The following CTPS1 variants were observed in gnomAD, a reference collection of about 807,000 sequenced individuals.
CTPS1 encodes CTP synthetase 1.
Under a neutral mutation model 80.5 loss-of-function variants are expected in CTPS1, and 25 were observed. That is an observed-to-expected ratio of 0.31 (90% CI 0.23 to 0.43). The LOEUF is 0.43. Ranked by LOEUF, CTPS1 falls within the 20% of genes least tolerant of loss-of-function variation. The pLI, the probability that CTPS1 is intolerant of heterozygous loss-of-function variation, is 1.00. For synonymous variants in CTPS1, 267 were observed against 252.5 expected, an observed-to-expected ratio of 1.06 and a Z score of -0.54; for missense variants, 442 against 725.7, an observed-to-expected ratio of 0.61 and a Z score of 4.49.
At position 41,008,707 on chromosome 1, in the gene CTPS1, G is replaced by A; in HGVS notation, c.1442G>A (p.Arg481Gln). The part of the protein sequence containing the change: ...ADYLEERHRH[R>Q]FEVNPVWKKC... ...TACTTGGAAGAGAGGCACCGCCACC[G>A]ATTTGAGGTGAGGATTCCAGCTTGC... Residue 481 changes from arginine (R) to glutamine (Q), a missense_variant, in exon 15 of 19, where the codon CGA (arginine) becomes CAA (glutamine). Arg to Gln is a conservative substitution (Grantham distance 43). Around this residue, in one of 4 missense-constraint regions of CTPS1, gnomAD observed 321 missense variants for 467.2 expected, o/e 0.69. Coordinates refer to ENST00000650070, the MANE Select transcript of CTPS1 (RefSeq NM_001905.4). 5 of 1,614,190 alleles carry A rather than the reference G, an allele frequency of 3.1e-6. No homozygotes were observed. The highest frequency in any genetic ancestry group is 1.1e-5 in the South Asian group (1 of 91,078).
chr1:40,997,575 CTG>C lies in CTPS1; in HGVS notation c.1005+51_1005+52del, dbSNP rs750493626. ...GCCAAAGGATGAGCAGGGAAGCAGTCTGTAGTCTCGTAGGTGCTGTGTCATAT... is the reference window on the plus strand; with the variant it reads ...GCCAAAGGATGAGCAGGGAAGCAGTCTAGTCTCGTAGGTGCTGTGTCATAT... On this transcript the variant is annotated intron_variant, in intron 9 of 18. Transcript: ENST00000650070. 5.0e-6 allele frequency: 8 copies of C among 1,596,328 alleles called. No homozygotes were observed. In the East Asian group the frequency reaches 1.1e-4, roughly 23 times the overall value.
At chr1:40,997,339 C>T (rs1642779817) in intron 8 of CTPS1, 55 bp from the exon 9 acceptor site, 1 of 1,578,076 alleles carries the variant, frequency 6.3e-7, no homozygotes, top group African/African-American at 1.4e-5. Context: ...ATTTTGGTCT[C>T]ATGATAGCGT....
intron 5 of CTPS1, among the ~76,000 whole-genome samples, chr1:40,989,080 G>T (rs1642532618): frequency 6.6e-6 from 1 of 152,218 alleles, no homozygotes; most frequent in South Asian, 2.1e-4. Context: ...AGCTGACCTT[G>T]AGTGCCGGAT....
chr1:40,991,944 G>A, intron 7 of CTPS1, 99 bp downstream of exon 7: 1 of 898,980 alleles, frequency 1.1e-6, no homozygotes. Flanking sequence ...TCTAATTAGA[G>A]ATAGTGGGCT....
rs200771626 is a variant in CTPS1 at position 41,008,995 on chromosome 1, A to G, written c.1546+105A>G. On this transcript the variant is annotated intron_variant, in intron 16 of 18. Coordinates refer to ENST00000650070, the MANE Select transcript of CTPS1 (RefSeq NM_001905.4). ...TTGTTGCTCCTGACCTAACAGAATT[A>G]GGAAGCAGCACTGTCTCATGAGGGA... The G allele has an allele frequency of 3.4e-4, 309 of 915,698 alleles. 3 individuals are homozygous for G. In the East Asian group the frequency reaches 7.8e-3, roughly 23 times the overall value. The allele number at this position is 915,698 out of a possible 1,614,324, so 56.7% of individuals were successfully genotyped here. A position where few individuals can be genotyped will look rare whatever the true frequency, so the allele number is the denominator to read the frequency against.
chr1:40,989,657 C>G (rs1642551412), intron 5 of CTPS1, among the ~76,000 whole-genome samples: 2 of 151,950 alleles, frequency 1.3e-5, no homozygotes, highest in African/African-American at 4.8e-5. Context: ...AAGAAAGAAA[C>G]TTACAGGGAA....
At chr1:40,980,182 A>C (rs987717249) in intron 1 of CTPS1, 3 of 123,800 alleles carry the variant, frequency 2.4e-5, no homozygotes, top group Admixed American at 8.4e-5. Context: ...AGAAGGCCGT[A>C]GGGGAGTGGA....
intron 9 of CTPS1, among the ~76,000 whole-genome samples, chr1:40,998,783 C>A (rs12739052): frequency 0.1 from 15,752 of 152,150 alleles, 1,198 homozygotes; most frequent in East Asian, 0.27. Flanking sequence ...TGTAGCTGTC[C>A]CCACATTGGG....
intron 9 of CTPS1, among the ~76,000 whole-genome samples, chr1:40,998,685 C>G (rs923880003): frequency 6.6e-6 from 1 of 152,184 alleles, no homozygotes. Context: ...TCCTTTTCTT[C>G]CTGGCCCATC....
chr1:40,999,482 C>T (rs1642847444), intron 9 of CTPS1, among the ~76,000 whole-genome samples: 1 of 152,186 alleles, frequency 6.6e-6, no homozygotes, highest in Non-Finnish European at 1.5e-5. Context: ...CGAAAAGGTG[C>T]TCAACACCTC....
At chr1:40,983,713 C>A (rs1642377184) in intron 2 of CTPS1, among the ~76,000 whole-genome samples, 1 of 151,602 alleles carries the variant, frequency 6.6e-6, no homozygotes, top group African/African-American at 2.4e-5. Flanking sequence ...GCTTCCACCT[C>A]CTTGGCTCAA....
In CTPS1 at chr1:40,979,723, A is replaced by G. The variant is rs1651761804; in HGVS notation, c.-120A>G. The G allele has an allele frequency of 6.6e-6, 1 of 152,280 alleles. No individual in the cohort carries two copies. 9.4% of individuals were successfully genotyped at this position (152,280 alleles called of 1,614,324 possible). ...ACAGCCTAGAGCCCGCCTCCGTGAA[A>G]GACTGCCGGGCGCATGCGGTCGGGG... On this transcript the variant is annotated 5_prime_UTR_variant, in exon 1 of 19. Transcript: ENST00000650070.
intron 7 of CTPS1, among the ~76,000 whole-genome samples, chr1:40,994,599 T>C (rs1642705891): frequency 6.6e-6 from 1 of 152,248 alleles, no homozygotes; most frequent in Non-Finnish European, 1.5e-5. Flanking sequence ...TAAATTCTTT[T>C]GGTTTTTATG....
rs1258952054 is a variant in CTPS1, at chr1:41,007,500, C to T, written c.1348C>T (p.Leu450=). 1 of 1,614,142 alleles carries T rather than the reference C, an allele frequency of 6.2e-7. No individual in the cohort carries two copies. The highest frequency in any genetic ancestry group is 1.1e-5 in the South Asian group (1 of 91,080). ...AGGGCAGATGGGCGGAACCATGAGG[C>T]TGGGCAAGAGGAGAACCCTGTTCCA... The part of the protein sequence containing the change: ...NPGQMGGTMR[L]GKRRTLFQTK... Residue 450 remains leucine (L), a synonymous_variant, in exon 14 of 19, where the codon CTG becomes TTG. Coordinates refer to ENST00000650070, the MANE Select transcript of CTPS1 (RefSeq NM_001905.4). The surrounding 1 kb of genome is among the most constrained non-coding windows in gnomAD (Gnocchi z 4.4).
At chr1:41,008,973 T>C in intron 16 of CTPS1, 83 bp downstream of exon 16, 1 of 1,109,720 alleles carries the variant, frequency 9.0e-7, no homozygotes, top group Non-Finnish European at 1.4e-6. Flanking sequence ...TGTTATCTTG[T>C]TGCTCCTGAC....
chr1:40,990,103 GAA>G (rs1642565703), intron 5 of CTPS1, among the ~76,000 whole-genome samples: 1 of 152,194 alleles, frequency 6.6e-6, no homozygotes, highest in Non-Finnish European at 1.5e-5. Context: ...CAAGTTTATG[GAA>G]ATACAGCTGT....
At chr1:41,003,344 G>A (rs1434016581) in intron 12 of CTPS1, among the ~76,000 whole-genome samples, 168 bp downstream of exon 12, 3 of 152,144 alleles carry the variant, frequency 2.0e-5, no homozygotes, top group Admixed American at 1.3e-4. Context: ...GGAACAGCAC[G>A]GCTCCTCCAT....
intron 6 of CTPS1, 99 bp from the exon 7 acceptor site, chr1:40,991,666 A>G: frequency 2.6e-6 from 2 of 777,934 alleles, no homozygotes; most frequent in Non-Finnish European, 4.4e-6. Flanking sequence ...GTTTTCGTTC[A>G]TCTTAACAAT....
At chr1:40,987,906 T>G (rs549715325) in intron 4 of CTPS1, among the ~76,000 whole-genome samples, 22 of 152,322 alleles carry the variant, frequency 1.4e-4, no homozygotes, top group African/African-American at 5.3e-4. Context: ...TCCAGCAGTT[T>G]GTTTATAACT....
Sources: allele counts gnomAD v4.1 joint callset (sites outside exome capture counted in the v4.1 genomes callset), GRCh38; gene constraint gnomAD v4.1.1; regional missense constraint gnomAD v4.1.1; non-coding constraint Gnocchi (gnomAD v3.1); transcripts MANE v1.5; gene names NCBI Gene and HGNC (gene_info 2026-07-23, HGNC 2026-07-21).